Variants in MYO1C observed in about 807,000 individuals in gnomAD.
The protein encoded by MYO1C is unconventional myosin-Ic.
Under a neutral mutation model 150.8 loss-of-function variants are expected in MYO1C, and 104 were observed. The observed-to-expected ratio is 0.69, with a 90% confidence interval of 0.59 to 0.81. The LOEUF (loss-of-function observed/expected upper bound fraction) is 0.81, where lower values mean the gene tolerates loss of function less well. MYO1C is among the 30% of genes least tolerant of loss of function. The pLI is 0.00. For synonymous variants in MYO1C, 663 were observed against 579.9 expected (o/e 1.14, Z -2.06); for missense variants, 1,504 against 1,435.0 (o/e 1.05, Z -0.78).
chr17:1,468,550 G>A, intron 25 of MYO1C, 54 bp from the exon 26 acceptor site: 10 of 1,458,758 alleles, frequency 6.9e-6, no homozygotes, highest in East Asian at 6.8e-5. Flanking sequence ...ACCATCTTGG[G>A]GGGGCAGAGC....
At chr17:1,480,991 G>T in intron 5 of MYO1C, 106 bp from the exon 6 acceptor site, 4 of 1,227,438 alleles carry the variant, frequency 3.3e-6, no homozygotes, top group South Asian at 2.6e-5. Flanking sequence ...AGACCTGGAT[G>T]CCAATTCCAG....
Position 1,468,510 on chromosome 17 carries a change from G to A in MYO1C, c.2611-14C>T, listed in dbSNP as rs1321424330. Reference sequence around the variant, plus strand: ...CTTCTGCTGCAGCTGAGGAGACAAGGGGGGTGAGGAGAGTGTCATGGTGGG... The same window carrying A: ...CTTCTGCTGCAGCTGAGGAGACAAGAGGGGTGAGGAGAGTGTCATGGTGGG... On this transcript the variant is annotated splice_polypyrimidine_tract_variant and intron_variant, in intron 25 of 31. Coordinates refer to ENST00000648651, the MANE Select transcript of MYO1C (RefSeq NM_001080779.2). 1.1e-5 allele frequency: 17 copies of A among 1,607,804 alleles called. No homozygotes were observed. The highest frequency in any genetic ancestry group is 1.4e-5 in the Non-Finnish European group (16 of 1,174,796).
chr17:1,467,834 AG>A lies in MYO1C; in HGVS notation c.2967+5del. 6.3e-7 allele frequency: 1 copy of A among 1,592,880 alleles called. No individual in the cohort carries two copies. The highest frequency in any genetic ancestry group is 8.5e-7 in the Non-Finnish European group (1 of 1,171,456). On this transcript the variant is annotated splice_donor_5th_base_variant and intron_variant, in intron 29 of 31. Transcript: ENST00000648651. ...CCACCACTCCTCCCCATCCATGAAAAGGCACCTTTTGCTTATTGTCCGCACG... is the reference window on the plus strand; with the variant it reads ...CCACCACTCCTCCCCATCCATGAAAAGCACCTTTTGCTTATTGTCCGCACG...
Position 1,471,984 on chromosome 17 carries a change from G to A in MYO1C, c.1944C>T (p.Tyr648=), listed in dbSNP as rs368459229. 6.9e-5 allele frequency: 111 copies of A among 1,614,010 alleles called. No homozygotes were observed. Among genetic ancestry groups the A allele is most frequent in the Non-Finnish European group, 9.3e-5 (110 of 1,180,018 alleles). ...CGCGCAGGTTTTCCAACAGCCCCAG[G>A]TACTTCACCTGGTGGCGGATCAGCA... is the stretch of plus-strand genomic sequence containing the variant. ...DEVLIRHQVK[Y]LGLLENLRVR... Residue 648 remains tyrosine, a synonymous_variant, in exon 19 of 32, where the codon TAC becomes TAT. Coordinates refer to ENST00000648651, the MANE Select transcript of MYO1C (RefSeq NM_001080779.2).
In MYO1C at chr17:1,485,602, C is replaced by T. The variant is rs1309464058; in HGVS notation, c.76-1299G>A. 9 of 986,590 alleles carry T rather than the reference C, an allele frequency of 9.1e-6. No homozygotes were observed. In the African/African-American group the frequency reaches 1.4e-4, roughly 15 times the overall value. 61.1% of individuals were successfully genotyped at this position (986,590 alleles called of 1,614,324 possible). A position where few individuals can be genotyped will look rare whatever the true frequency, so the allele number is the denominator to read the frequency against. Reference sequence around the variant, plus strand: ...GTTTTTCCACCCGGAATTCCTGGGCCGCGCCCGCTTCCTGGCGAGGCCGAG... The same window carrying T: ...GTTTTTCCACCCGGAATTCCTGGGCTGCGCCCGCTTCCTGGCGAGGCCGAG... On this transcript the variant is annotated intron_variant, in intron 1 of 31. Transcript: ENST00000648651.
intron 1 of MYO1C, chr17:1,485,664 C>T: frequency 8.3e-7 from 1 of 1,210,064 alleles, no homozygotes; most frequent in Non-Finnish European, 1.0e-6. Context: ...CCCGGGACCC[C>T]CCGCCCTGCC....
At chr17:1,490,062 T>C (rs1391773475) in intron 1 of MYO1C, among the ~76,000 whole-genome samples, 2 of 146,712 alleles carry the variant, frequency 1.4e-5, no homozygotes, top group African/African-American at 2.5e-5. Flanking sequence ...AAAGAGGGCC[T>C]TTGACCCCTA....
rs146471734 is a variant in MYO1C, at chr17:1,483,643, C to G, written c.314G>C (p.Arg105Pro). The change falls in exon 3 of 32, where the codon CGT (arginine) becomes CCT (proline). Residue 105 changes from arginine to proline, a missense_variant. Coordinates refer to ENST00000648651, the MANE Select transcript of MYO1C (RefSeq NM_001080779.2). ...IYSRQHMERY[R>P]GVSFYEVPPH... is the part of the protein sequence containing the mutation. ...GGGCACTTCATAGAAGCTGACGCCACGGTAACGCTCCATATGCTGCCGGCT... is the reference window on the plus strand; with the variant it reads ...GGGCACTTCATAGAAGCTGACGCCAGGGTAACGCTCCATATGCTGCCGGCT... 14 of 1,612,626 alleles carry G rather than the reference C, an allele frequency of 8.7e-6. No individual in the cohort carries two copies. The highest frequency in any genetic ancestry group is 9.3e-6 in the Non-Finnish European group (11 of 1,179,540).
At position 1,478,228 on chromosome 17, in the gene MYO1C, G is replaced by A. The variant is rs762990829; in HGVS notation, c.1296-36C>T. The A allele has an allele frequency of 1.4e-5, 23 of 1,595,514 alleles. No individual in the cohort carries two copies. In the East Asian group the frequency reaches 1.8e-4, roughly 12 times the overall value. On this transcript the variant is annotated intron_variant, in intron 11 of 31. Transcript: ENST00000648651. The surrounding 1 kb of genome is among the most constrained non-coding windows in gnomAD (Gnocchi z 6.3). ...GGAGAAGAGCCCACAGTGGCTCAGT[G>A]GGGACACAGGACCAGGAGAGGGGAA...
intron 5 of MYO1C, among the ~76,000 whole-genome samples, 182 bp downstream of exon 5, chr17:1,482,296 A>G (rs2074539396): frequency 6.6e-6 from 1 of 151,902 alleles, no homozygotes; most frequent in Admixed American, 6.6e-5. Context: ...ACTGCATTTT[A>G]TTTTCTGCCA....
Position 1,484,279 on chromosome 17 carries a change from C to T in MYO1C, c.100G>A (p.Val34Met), listed in dbSNP as rs1238123325. 3 of 1,611,292 alleles carry T rather than the reference C, an allele frequency of 1.9e-6. No individual in the cohort carries two copies. Among genetic ancestry groups the T allele is most frequent in the Non-Finnish European group, 2.5e-6 (3 of 1,179,998 alleles). The change falls in exon 2 of 32, where the codon GTG (valine) becomes ATG (methionine). Residue 34 changes from valine (V) to methionine (M), a missense_variant. Transcript: ENST00000648651. Reference sequence around the variant, plus strand: ...GCGGTGAGCGCACTCTCCATGGTCACCCGAACCCCGTCACTGCCCAGGGCC... The same window carrying T: ...GCGGTGAGCGCACTCTCCATGGTCATCCGAACCCCGTCACTGCCCAGGGCC... ...KLALGSDGVR[V>M]TMESALTARD...
In MYO1C at chr17:1,474,610, C is replaced by T. The variant is rs1017294310; in HGVS notation, c.1797G>A (p.Thr599=). 3.1e-6 allele frequency: 5 copies of T among 1,613,644 alleles called. No homozygotes were observed. The highest frequency in any genetic ancestry group is 2.2e-5 in the East Asian group (1 of 44,882). Residue 599 remains threonine (T), a splice_region_variant and synonymous_variant, in exon 17 of 32, where the codon ACG becomes ACA. Transcript: ENST00000648651. ...SELSDKKRPE[T]VATQFKMSLL... ...GCGCCCGGTCCCGCCACCTCCTCACCGTCTCTGGCCGCTTCTTGTCACTGA... is the reference window on the plus strand; with the variant it reads ...GCGCCCGGTCCCGCCACCTCCTCACTGTCTCTGGCCGCTTCTTGTCACTGA...
At position 1,465,064 on chromosome 17, in the gene MYO1C, CG is replaced by C. The variant is rs2074143460; in HGVS notation, c.*661del. 1.3e-5 allele frequency: 2 copies of C among 152,262 alleles called. No individual in the cohort carries two copies. 9.4% of individuals were successfully genotyped at this position (152,262 alleles called of 1,614,324 possible). On this transcript the variant is annotated 3_prime_UTR_variant, in exon 32 of 32. Transcript: ENST00000648651. ...TGACCTCAGGTTATCTGCCCGTCTCCGCCTCCCAAAGTGCTGGGGTTACAGG... is the reference window on the plus strand; with the variant it reads ...TGACCTCAGGTTATCTGCCCGTCTCCCCTCCCAAAGTGCTGGGGTTACAGG...
rs371782750 is a variant in MYO1C, at chr17:1,467,505, T to C, written c.3040A>G (p.Asn1014Asp). The C allele has an allele frequency of 1.9e-6, 3 of 1,613,568 alleles. No individual in the cohort carries two copies. Among genetic ancestry groups the C allele is most frequent in the Non-Finnish European group, 2.5e-6 (3 of 1,179,942 alleles). The change falls in exon 30 of 32, where the codon AAC (asparagine) becomes GAC (aspartate). Residue 1014 changes from asparagine (N) to aspartate (D), a missense_variant. Asn to Asp is a conservative substitution (Grantham distance 23). Coordinates refer to ENST00000648651, the MANE Select transcript of MYO1C (RefSeq NM_001080779.2). ...TKTALSANRV[N>D]SININQGSIT... is the part of the protein sequence containing the mutation. ...CTGCCCTGGTTGATGTTGATGCTGT[T>C]CACGCGGTTGGCACTGAGGGCTGTC...
intron 1 of MYO1C, chr17:1,486,252 C>T (rs2074653591): frequency 6.6e-6 from 1 of 152,244 alleles, no homozygotes; most frequent in African/African-American, 2.4e-5. Flanking sequence ...CGCCGTCCAC[C>T]CACACGCGCC....
intron 1 of MYO1C, among the ~76,000 whole-genome samples, chr17:1,487,723 G>C (rs2074681585): frequency 6.6e-6 from 1 of 152,208 alleles, no homozygotes; most frequent in Non-Finnish European, 1.5e-5. Context: ...TTCGAGACCA[G>C]CCTGACCAGC....
At chr17:1,490,406 G>A (rs144378168) in intron 1 of MYO1C, among the ~76,000 whole-genome samples, 1 of 152,142 alleles carries the variant, frequency 6.6e-6, no homozygotes, top group Non-Finnish European at 1.5e-5. Flanking sequence ...GCTGAGGCAG[G>A]AGAATAGCTT....
chr17:1,473,354 G>C (rs908052329), intron 17 of MYO1C, among the ~76,000 whole-genome samples: 5 of 152,148 alleles, frequency 3.3e-5, no homozygotes, highest in Non-Finnish European at 7.3e-5. Context: ...TAGGGGAAGA[G>C]GATGAGATAC....
rs985272710 is a variant in MYO1C at position 1,465,382 on chromosome 17, G to C, written c.*344C>G. The C allele has an allele frequency of 1.4e-5, 3 of 209,246 alleles. No individual in the cohort carries two copies. The highest frequency in any genetic ancestry group is 6.9e-5 in the African/African-American group (3 of 43,522). 13.0% of individuals were successfully genotyped at this position (209,246 alleles called of 1,614,324 possible). ...TCCACTGTGTCCTTGGGTGGGAAAT[G>C]GCTTTTTTTAAAAAATAGTTTCCTA... On this transcript the variant is annotated 3_prime_UTR_variant, in exon 32 of 32. Coordinates refer to ENST00000648651, the MANE Select transcript of MYO1C (RefSeq NM_001080779.2).
Sources: allele counts gnomAD v4.1 joint callset (sites outside exome capture counted in the v4.1 genomes callset), GRCh38; gene constraint gnomAD v4.1.1; non-coding constraint Gnocchi (gnomAD v3.1); transcripts MANE v1.5; gene names NCBI Gene and HGNC (gene_info 2026-07-23, HGNC 2026-07-21).